LINGO2: variants seen among roughly 807,000 people sequenced by gnomAD.
LINGO2 encodes leucine rich repeat and Ig domain containing 2, also known as leucine-rich repeat and immunoglobulin-like domain-containing nogo receptor-interacting protein 2.
A neutral mutation model predicts 30.6 loss-of-function variants in LINGO2; 14 were observed. That is an observed-to-expected ratio of 0.46 (90% CI 0.30 to 0.72). LINGO2 has a LOEUF of 0.72. Ranked by LOEUF, LINGO2 falls within the 30% of genes least tolerant of loss-of-function variation. The probability of loss-of-function intolerance (pLI) is 0.07; values close to 1 mark genes in which losing one functional copy is unlikely to be tolerated. For synonymous variants in LINGO2, 317 were observed against 288.5 expected, an observed-to-expected ratio of 1.10 and a Z score of -1.00; for missense variants, 729 against 751.7, an observed-to-expected ratio of 0.97 and a Z score of 0.35.
At chr9:29,055,958 G>GTA in the LINGO2 span, among the ~76,000 whole-genome samples, 16 of 75,568 alleles carry the variant, frequency 2.1e-4, no homozygotes, top group Middle Eastern at 6.6e-3. Context: ...ACATATATAT[G>GTA]TACATGTATA....
chr9:28,459,878 G>C (rs934319683), intron 2 of LINGO2, among the ~76,000 whole-genome samples: 3 of 152,030 alleles, frequency 2.0e-5, no homozygotes, highest in Non-Finnish European at 4.4e-5. Flanking sequence ...TCAGTCTTCT[G>C]AGATTGTATT....
At chr9:28,446,999 T>G (rs1229362901) in intron 2 of LINGO2, among the ~76,000 whole-genome samples, 1 of 152,172 alleles carries the variant, frequency 6.6e-6, no homozygotes, top group Non-Finnish European at 1.5e-5. Flanking sequence ...TTTCTCTGCC[T>G]TAAAGAATCT....
At chr9:28,866,631 T>C in the LINGO2 span, among the ~76,000 whole-genome samples, 1 of 152,156 alleles carries the variant, frequency 6.6e-6, no homozygotes, top group African/African-American at 2.4e-5. Flanking sequence ...ATATGGTACA[T>C]TGCAGGCAGT....
intron 4 of LINGO2, among the ~76,000 whole-genome samples, chr9:28,127,125 C>CA (rs1187671765): frequency 6.6e-6 from 1 of 152,184 alleles, no homozygotes; most frequent in Non-Finnish European, 1.5e-5. Flanking sequence ...AAGATAGCCC[C>CA]TGGCAATTTC....
intron 4 of LINGO2, among the ~76,000 whole-genome samples, chr9:28,175,042 A>C (rs1167560849): frequency 6.6e-6 from 1 of 152,088 alleles, no homozygotes; most frequent in East Asian, 1.9e-4. Flanking sequence ...TACCAGCATC[A>C]GGCAGATTTC....
chr9:28,365,040 G>C (rs1820605394), intron 3 of LINGO2, among the ~76,000 whole-genome samples: 1 of 152,294 alleles, frequency 6.6e-6, no homozygotes. Flanking sequence ...AATACATCAT[G>C]TTAAGTGCTA....
chr9:28,290,396 T>C (rs924296427), intron 4 of LINGO2, among the ~76,000 whole-genome samples: 1 of 152,174 alleles, frequency 6.6e-6, no homozygotes, highest in Non-Finnish European at 1.5e-5. Context: ...CCTGAGGTCA[T>C]TCTCTGGCTC....
chr9:29,123,312 C>T, the LINGO2 span, among the ~76,000 whole-genome samples: 1 of 151,808 alleles, frequency 6.6e-6, no homozygotes, highest in African/African-American at 2.4e-5. Flanking sequence ...CACTTAAACA[C>T]CAAATGAGCA....
chr9:28,556,419 C>T (rs970708416), intron 1 of LINGO2, among the ~76,000 whole-genome samples: 1 of 151,980 alleles, frequency 6.6e-6, no homozygotes, highest in African/African-American at 2.4e-5. Context: ...GAATAAAATA[C>T]CTAGGAATCC....
At chr9:28,747,925 C>T in the LINGO2 span, among the ~76,000 whole-genome samples, 105,142 of 151,928 alleles carry the variant, frequency 0.69, 37,187 homozygotes, top group Non-Finnish European at 0.77. Flanking sequence ...CACTAACGTA[C>T]TTGCTTTTAT....
intron 1 of LINGO2, among the ~76,000 whole-genome samples, chr9:28,641,009 G>T (rs979483181): frequency 9.9e-5 from 15 of 152,016 alleles, no homozygotes; most frequent in African/African-American, 2.9e-4. Context: ...GTTTTGGTGT[G>T]GATGTCCTTC....
chr9:28,961,075 C>T, the LINGO2 span, among the ~76,000 whole-genome samples: 834 of 152,130 alleles, frequency 5.5e-3, 10 homozygotes, highest in African/African-American at 0.019. Context: ...ATTTATTTGG[C>T]TAAGAAGCAT....
chr9:28,828,780 A>C, the LINGO2 span, among the ~76,000 whole-genome samples: 4 of 152,296 alleles, frequency 2.6e-5, no homozygotes, highest in South Asian at 8.3e-4. Flanking sequence ...CTGAACCTTC[A>C]GAGGAAGGCA....
chr9:28,025,407 A>C (rs1823328476), intron 4 of LINGO2, among the ~76,000 whole-genome samples: 2 of 152,202 alleles, frequency 1.3e-5, no homozygotes, highest in Non-Finnish European at 2.9e-5. Flanking sequence ...CAGCGCTTGC[A>C]GGAACTAGCT....
At chr9:28,041,187 CTATTGCACCTCATAAACTGTT>C (rs1824182109) in intron 4 of LINGO2, among the ~76,000 whole-genome samples, 1 of 152,170 alleles carries the variant, frequency 6.6e-6, no homozygotes, top group African/African-American at 2.4e-5. Context: ...TCTATTCTGT[CTATTGCACCTCATAAACTGTT>C]TTCTCAGAGT....
chr9:28,621,814 A>G (rs573307059), intron 1 of LINGO2, among the ~76,000 whole-genome samples: 137 of 152,120 alleles, frequency 9.0e-4, no homozygotes, highest in African/African-American at 3.3e-3. Context: ...AATATTGTAT[A>G]TATATTAAGT....
intron 4 of LINGO2, among the ~76,000 whole-genome samples, chr9:28,103,296 G>A (rs530300733): frequency 5.3e-5 from 8 of 152,126 alleles, no homozygotes; most frequent in Admixed American, 2.6e-4. Context: ...TTACATAAAC[G>A]GTCATGATTC....
chr9:28,830,017 C>A, the LINGO2 span, among the ~76,000 whole-genome samples: 1 of 152,156 alleles, frequency 6.6e-6, no homozygotes, highest in African/African-American at 2.4e-5. Context: ...TACTATCTGA[C>A]AACAAGACAG....
chr9:28,429,841 AAAGAGGGAGGGATGT>A (rs1427129026), intron 2 of LINGO2, among the ~76,000 whole-genome samples: 16 of 152,294 alleles, frequency 1.1e-4, no homozygotes, highest in Admixed American at 9.8e-4. Flanking sequence ...AAGCAGGAAA[AAAGAGGGAGGGATGT>A]AAGAAACTGA....
Sources: gnomAD v4.1 joint callset for allele counts (sites outside exome capture counted in the v4.1 genomes callset) on GRCh38, gnomAD v4.1.1 for gene constraint, MANE v1.5 for transcripts, NCBI Gene and HGNC (gene_info 2026-07-23, HGNC 2026-07-21) for gene names.